Variants in TBC1D19 observed in about 807,000 individuals in gnomAD.
TBC1D19 encodes TBC1 domain family, member 19.
TBC1D19 carries 60 observed loss-of-function variants against 89.0 expected under a neutral mutation model. The observed-to-expected ratio is 0.67, with a 90% CI of 0.55 to 0.84. TBC1D19 has a LOEUF of 0.84. Among genes scored for constraint, TBC1D19 ranks in the 40% least tolerant of loss-of-function variants. The pLI, the probability that TBC1D19 is intolerant of heterozygous loss-of-function variation, is 0.00. For missense variants in TBC1D19, 500 were observed against 610.8 expected, an observed-to-expected ratio of 0.82 and a Z score of 1.91; for synonymous variants, 189 against 199.7, an observed-to-expected ratio of 0.95 and a Z score of 0.45.
the TBC1D19 span, among the ~76,000 whole-genome samples, chr4:26,767,372 C>T: frequency 6.6e-6 from 1 of 152,150 alleles, no homozygotes; most frequent in African/African-American, 2.4e-5. Context: ...TTCCTCAAAA[C>T]ACCACTTGAA....
intron 1 of TBC1D19, among the ~76,000 whole-genome samples, chr4:26,610,478 G>A (rs567429928): frequency 8.7e-5 from 13 of 150,090 alleles, no homozygotes; most frequent in African/African-American, 3.2e-4. Context: ...TAGTTTCAGG[G>A]GCATATGTGC....
intron 9 of TBC1D19, among the ~76,000 whole-genome samples, chr4:26,668,620 TTA>T (rs1238118801): frequency 6.6e-6 from 1 of 151,952 alleles, no homozygotes; most frequent in African/African-American, 2.4e-5. Flanking sequence ...ACCTCTTATT[TTA>T]TATTTTAGTC....
intron 7 of TBC1D19, among the ~76,000 whole-genome samples, chr4:26,653,850 A>G (rs930940324): frequency 1.3e-5 from 2 of 152,108 alleles, no homozygotes; most frequent in Non-Finnish European, 2.9e-5. Context: ...GTGTCTTTTA[A>G]TTGGGGAATT....
chr4:26,806,469 C>G, the TBC1D19 span, among the ~76,000 whole-genome samples: 58 of 152,222 alleles, frequency 3.8e-4, no homozygotes, highest in Non-Finnish European at 6.9e-4. Flanking sequence ...TTAGCTCATG[C>G]TAATCTCATG....
chr4:26,811,612 TA>T, the TBC1D19 span, among the ~76,000 whole-genome samples: 1 of 152,224 alleles, frequency 6.6e-6, no homozygotes, highest in Non-Finnish European at 1.5e-5. Context: ...AAAGCAAGTT[TA>T]ATATGAAAGT....
chr4:26,639,265 C>T (rs1435405851), intron 6 of TBC1D19, among the ~76,000 whole-genome samples: 3 of 152,018 alleles, frequency 2.0e-5, no homozygotes, highest in Non-Finnish European at 4.4e-5. Flanking sequence ...CCCTGGCTCT[C>T]TCTGTTGAAC....
the TBC1D19 span, among the ~76,000 whole-genome samples, chr4:26,782,958 G>T: frequency 1.3e-5 from 2 of 152,170 alleles, no homozygotes; most frequent in African/African-American, 4.8e-5. Context: ...GAATGTGTGA[G>T]TCATGTATCT....
chr4:26,780,535 A>G, the TBC1D19 span, among the ~76,000 whole-genome samples: 1 of 152,204 alleles, frequency 6.6e-6, no homozygotes, highest in Admixed American at 6.5e-5. Context: ...AAGGACAGCC[A>G]AGGAAAAACT....
rs377095328 is a variant in TBC1D19 at position 26,590,838 on chromosome 4, G to T, written c.99+6546G>T. ...TTTTTTTTTTTTTTTGTGAGTCAGTGTCTTGCTATGTTTGTCTCGCTAGGC... is the reference window on the plus strand; with the variant it reads ...TTTTTTTTTTTTTTTGTGAGTCAGTTTCTTGCTATGTTTGTCTCGCTAGGC... On this transcript the variant is annotated intron_variant, in intron 1 of 20. Coordinates refer to ENST00000264866, the MANE Select transcript of TBC1D19 (RefSeq NM_018317.4). Among the ~76,000 whole-genome samples, 18 of 49,392 alleles carry T rather than the reference G, an allele frequency of 3.6e-4. No homozygotes were observed. In the South Asian group the frequency reaches 0.012, roughly 32 times the overall value. The allele number at this position is 49,392 out of a possible 152,430, so 32.4% of individuals were successfully genotyped here.
chr4:26,837,424 T>C, the TBC1D19 span, among the ~76,000 whole-genome samples: 16 of 152,158 alleles, frequency 1.1e-4, no homozygotes, highest in African/African-American at 3.1e-4. Context: ...AAATCAAAGA[T>C]GGCACCACAA....
At chr4:26,581,780 T>C (rs1194731559), upstream of TBC1D19, among the ~76,000 whole-genome samples, 1 of 152,212 alleles carries the variant, frequency 6.6e-6, no homozygotes, top group Admixed American at 6.5e-5. Flanking sequence ...GGACTGAAAT[T>C]TCTTGAAAGA....
In TBC1D19 at chr4:26,721,026, T is replaced by C. The variant is rs1256956689; in HGVS notation, c.1084+901T>C. Among the ~76,000 whole-genome samples, 6 of 152,122 alleles carry C rather than the reference T, an allele frequency of 3.9e-5. No individual in the cohort carries two copies. The East Asian group carries it at 1.2e-3, about 29-fold the overall frequency. ...TGGCGCTGTTCTCTCCCTGTGTCTCTCAATATGGAATCTCAGTTTCATGGG... is the reference window on the plus strand; with the variant it reads ...TGGCGCTGTTCTCTCCCTGTGTCTCCCAATATGGAATCTCAGTTTCATGGG... On this transcript the variant is annotated intron_variant, in intron 15 of 20. Transcript: ENST00000264866.
chr4:26,668,920 A>T (rs1712041542), intron 9 of TBC1D19, among the ~76,000 whole-genome samples: 1 of 151,726 alleles, frequency 6.6e-6, no homozygotes, highest in Non-Finnish European at 1.5e-5. Flanking sequence ...TAACAATAAT[A>T]AAAAAAGTCA....
intron 4 of TBC1D19, among the ~76,000 whole-genome samples, chr4:26,629,126 G>T (rs549042441): frequency 2.0e-5 from 3 of 152,090 alleles, no homozygotes; most frequent in East Asian, 3.9e-4. Flanking sequence ...TGCAATAGGA[G>T]AACTTTTGCT....
rs771752289 is a variant in TBC1D19 at position 26,748,546 on chromosome 4, T to A, written c.1435+20T>A. 6.5e-7 allele frequency: 1 copy of A among 1,537,082 alleles called. No individual in the cohort carries two copies. The highest frequency in any genetic ancestry group is 9.0e-7 in the Non-Finnish European group (1 of 1,113,730). On this transcript the variant is annotated intron_variant, in intron 19 of 20. Transcript: ENST00000264866. ...TTGCTGGTAAGAGTAAATGCTTGTT[T>A]GTAGAACACATGCTGTTTCTATAAT...
intron 1 of TBC1D19, among the ~76,000 whole-genome samples, chr4:26,607,929 G>A (rs534876631): frequency 6.1e-4 from 93 of 152,278 alleles, no homozygotes; most frequent in Admixed American, 1.2e-3. Context: ...TAATGCAGTG[G>A]GTATGCTGTG....
the TBC1D19 span, among the ~76,000 whole-genome samples, chr4:26,834,536 G>T: frequency 3.3e-5 from 5 of 152,106 alleles, no homozygotes; most frequent in African/African-American, 1.2e-4. Flanking sequence ...AATCTGGGCT[G>T]GTGGCTATGG....
chr4:26,814,332 T>C, the TBC1D19 span, among the ~76,000 whole-genome samples: 697 of 152,316 alleles, frequency 4.6e-3, 5 homozygotes, highest in African/African-American at 0.016. Flanking sequence ...TGTGAAAATG[T>C]CTAGGAAACT....
the TBC1D19 span, among the ~76,000 whole-genome samples, chr4:26,834,642 G>T: frequency 1.3e-5 from 2 of 152,112 alleles, no homozygotes; most frequent in Admixed American, 1.3e-4. Flanking sequence ...GTCCTGAAGA[G>T]AGACCAAAAC....
Sources: allele counts gnomAD v4.1 joint callset (sites outside exome capture counted in the v4.1 genomes callset), GRCh38; gene constraint gnomAD v4.1.1; transcripts MANE v1.5; gene names NCBI Gene and HGNC (gene_info 2026-07-23, HGNC 2026-07-21).